SUPT3H: variants seen among roughly 807,000 people sequenced by gnomAD.
The protein encoded by SUPT3H is SPT3 homolog, SAGA and STAGA complex component.
SUPT3H carries 44 observed loss-of-function variants against 44.3 expected under a neutral mutation model. The observed-to-expected ratio is 0.99, with a 90% CI of 0.78 to 1.28. The LOEUF (loss-of-function observed/expected upper bound fraction) is 1.28, where lower values mean the gene tolerates loss of function less well. Ranked by LOEUF, SUPT3H falls within the 50% of genes most tolerant of loss-of-function variation. The probability of loss-of-function intolerance (pLI) is 0.00; values close to 1 mark genes in which losing one functional copy is unlikely to be tolerated. For missense variants in SUPT3H, 380 were observed against 387.1 expected (o/e 0.98, Z 0.15); for synonymous variants, 124 against 125.6 (o/e 0.99, Z 0.09).
chr6:45,276,558 C>T (rs1044834340), intron 2 of SUPT3H, among the ~76,000 whole-genome samples: 2 of 152,080 alleles, frequency 1.3e-5, no homozygotes, highest in African/African-American at 4.8e-5. Flanking sequence ...AAAGAGTCAG[C>T]GTATATTTCC....
intron 10 of SUPT3H, among the ~76,000 whole-genome samples, chr6:44,845,570 A>G (rs754865428): frequency 5.9e-5 from 9 of 152,202 alleles, no homozygotes; most frequent in African/African-American, 1.9e-4. Flanking sequence ...CTTCTGCCCA[A>G]ATGTTGCATT....
intron 10 of SUPT3H, among the ~76,000 whole-genome samples, chr6:44,849,568 A>G (rs977099857): frequency 6.6e-6 from 1 of 152,172 alleles, no homozygotes; most frequent in African/African-American, 2.4e-5. Flanking sequence ...GCCTATAATC[A>G]TGAGGATCTG....
At chr6:45,157,299 A>G (rs1807989913) in intron 2 of SUPT3H, among the ~76,000 whole-genome samples, 1 of 152,006 alleles carries the variant, frequency 6.6e-6, no homozygotes, top group Non-Finnish European at 1.5e-5. Flanking sequence ...TTTAAGAACC[A>G]ACCTCCAAAA....
intron 6 of SUPT3H, among the ~76,000 whole-genome samples, chr6:44,981,893 T>C (rs1360197): frequency 0.54 from 78,746 of 146,208 alleles, 21,139 homozygotes; most frequent in East Asian, 0.7. Context: ...AAAGCAAAAC[T>C]AGCTAGGGAC....
At chr6:45,081,070 T>C (rs916400738) in intron 3 of SUPT3H, among the ~76,000 whole-genome samples, 3 of 151,618 alleles carry the variant, frequency 2.0e-5, no homozygotes, top group South Asian at 2.1e-4. Context: ...TATGTACATA[T>C]ATATATACAA....
chr6:45,089,582 A>C (rs1409814268), intron 3 of SUPT3H, among the ~76,000 whole-genome samples: 1 of 151,876 alleles, frequency 6.6e-6, no homozygotes, highest in Admixed American at 6.6e-5. Context: ...CATTCTCCCA[A>C]TTGCTTAGGA....
intron 2 of SUPT3H, among the ~76,000 whole-genome samples, chr6:45,252,469 T>C (rs1480447984): frequency 2.6e-5 from 4 of 152,040 alleles, no homozygotes; most frequent in African/African-American, 9.7e-5. Flanking sequence ...TATGCTGCCC[T>C]TTAGCTCAGT....
intron 11 of SUPT3H, among the ~76,000 whole-genome samples, chr6:44,818,448 AAAAG>A (rs1767055063): frequency 6.6e-6 from 1 of 152,146 alleles, no homozygotes; most frequent in Non-Finnish European, 1.5e-5. Context: ...TATAAGCCAT[AAAAG>A]AATAAAAATT....
chr6:44,975,722 T>C (rs1032198312), intron 6 of SUPT3H, among the ~76,000 whole-genome samples: 4 of 151,996 alleles, frequency 2.6e-5, no homozygotes, highest in Non-Finnish European at 4.4e-5. Context: ...TCAAACACTA[T>C]TGGGAAAAAA....
chr6:45,092,483 G>A (rs1797252477), intron 3 of SUPT3H, among the ~76,000 whole-genome samples: 1 of 151,970 alleles, frequency 6.6e-6, no homozygotes, highest in South Asian at 2.1e-4. Context: ...GGGTGCGGTG[G>A]CTCACACCTG....
In SUPT3H at chr6:45,140,571, T is replaced by G. The variant is rs2894621; in HGVS notation, c.102-34565A>C. ...TCCTGAGTCTGTCCACAGAACAACT[T>G]CATTGCTAGCATAATCAGCATTCAA... On this transcript the variant is annotated intron_variant, in intron 2 of 10. Coordinates refer to ENST00000371459, the MANE Select transcript of SUPT3H (RefSeq NM_003599.4). 7.9e-4 allele frequency among the ~76,000 whole-genome samples: 120 copies of G among 152,248 alleles called. 3 individuals are homozygous for G. The East Asian group carries it at 0.023, about 29-fold the overall frequency.
intron 2 of SUPT3H, among the ~76,000 whole-genome samples, chr6:45,344,856 G>A (rs1436704847): frequency 1.3e-5 from 2 of 152,064 alleles, no homozygotes; most frequent in African/African-American, 2.4e-5. Flanking sequence ...CAAGGGAGAC[G>A]GTAAAACTAA....
At chr6:44,815,639 T>C (rs1340348108) in intron 11 of SUPT3H, among the ~76,000 whole-genome samples, 2 of 152,198 alleles carry the variant, frequency 1.3e-5, no homozygotes, top group East Asian at 3.9e-4. Flanking sequence ...CATTCCTAAA[T>C]GTGTGTATGT....
chr6:45,160,935 T>C (rs907971114), intron 2 of SUPT3H, among the ~76,000 whole-genome samples: 1 of 152,102 alleles, frequency 6.6e-6, no homozygotes, highest in Non-Finnish European at 1.5e-5. Flanking sequence ...TGTTGGAGTG[T>C]GGGCCTAGTG....
chr6:45,237,904 C>T (rs1223910924), intron 2 of SUPT3H, among the ~76,000 whole-genome samples: 1 of 152,176 alleles, frequency 6.6e-6, no homozygotes, highest in Non-Finnish European at 1.5e-5. Context: ...GGATTGCCTT[C>T]TCCTGCTATG....
Position 45,139,398 on chromosome 6 carries a change from CA to C in SUPT3H, c.102-33393del, listed in dbSNP as rs568969022. 3.9e-3 allele frequency among the ~76,000 whole-genome samples: 594 copies of C among 152,264 alleles called. 6 individuals carry two copies. Among genetic ancestry groups the C allele is most frequent in the African/African-American group, 0.014 (566 of 41,554 alleles). Reference sequence around the variant, plus strand: ...GATGGCAGAGAGGAGACAGGGCTAACAAGCAGCTCCCACTTGGATAGACAGA... The same window carrying C: ...GATGGCAGAGAGGAGACAGGGCTAACAGCAGCTCCCACTTGGATAGACAGA... On this transcript the variant is annotated intron_variant, in intron 2 of 10. Coordinates refer to ENST00000371459, the MANE Select transcript of SUPT3H (RefSeq NM_003599.4).
chr6:44,853,424 T>C (rs1249151737), intron 10 of SUPT3H, among the ~76,000 whole-genome samples: 1 of 151,716 alleles, frequency 6.6e-6, no homozygotes, highest in Non-Finnish European at 1.5e-5. Context: ...CTTTGGGAGG[T>C]CAATGCAGAA....
chr6:45,066,279 T>G (rs567760768), intron 3 of SUPT3H, among the ~76,000 whole-genome samples: 2 of 152,030 alleles, frequency 1.3e-5, no homozygotes, highest in South Asian at 4.2e-4. Context: ...TGCTAAAAAC[T>G]CTCAATAAAT....
At chr6:44,816,785 A>G (rs1766938684) in intron 11 of SUPT3H, among the ~76,000 whole-genome samples, 1 of 152,188 alleles carries the variant, frequency 6.6e-6, no homozygotes, top group Non-Finnish European at 1.5e-5. Context: ...CAGGCACAGT[A>G]GCTCAGGCCT....
Sources: allele counts gnomAD v4.1 joint callset (sites outside exome capture counted in the v4.1 genomes callset), GRCh38; gene constraint gnomAD v4.1.1; transcripts MANE v1.5; gene names NCBI Gene and HGNC (gene_info 2026-07-23, HGNC 2026-07-21).